Variants in CFAP47 observed in about 807,000 individuals in gnomAD.
CFAP47 encodes the protein cilia- and flagella-associated protein 47.
A neutral mutation model predicts 148.1 loss-of-function variants in CFAP47; 29 were observed. The ratio of observed to expected loss-of-function variants is 0.20; its 90% CI spans 0.15 to 0.27. CFAP47 has a LOEUF of 0.27. CFAP47 is among the 10% of genes least tolerant of loss of function. The pLI is 1.00. For missense variants in CFAP47, 1,872 were observed against 1,697.5 expected (o/e 1.10, Z -1.81); for synonymous variants, 664 against 577.3 (o/e 1.15, Z -2.15).
At chrX:36,099,677 T>G in intron 31 of CFAP47, 74 bp from the exon 32 acceptor site, 3 of 485,808 alleles carry the variant, frequency 6.2e-6, no homozygotes, top group Non-Finnish European at 1.1e-5. Context: ...CATCCACATG[T>G]TTTGAAAAAA....
At chrX:35,932,284 G>T (rs770140337) in intron 2 of CFAP47, among the ~76,000 whole-genome samples, 7 of 96,897 alleles carry the variant, frequency 7.2e-5, no homozygotes, top group African/African-American at 2.8e-4. Flanking sequence ...TTTTGAGATG[G>T]AGTCTCTCTC....
chrX:36,305,496 T>C (rs1941339982), intron 54 of CFAP47, among the ~76,000 whole-genome samples: 1 of 111,793 alleles, frequency 8.9e-6, no homozygotes, highest in Non-Finnish European at 1.9e-5. Context: ...CATGGCTTTC[T>C]AGTCCATTAA....
At chrX:36,315,906 G>A (rs781814720) in intron 56 of CFAP47, among the ~76,000 whole-genome samples, 17 of 111,329 alleles carry the variant, frequency 1.5e-4, no homozygotes, top group African/African-American at 2.6e-4. Flanking sequence ...CTGAGGTCAC[G>A]TCCCAAATAA....
rs757745492 is a variant in CFAP47 at position 35,926,126 on chromosome X, T to G, written c.359T>G (p.Leu120Arg). 43 of 1,204,131 alleles carry G rather than the reference T, an allele frequency of 3.6e-5. No homozygotes were observed. In the Admixed American group the frequency reaches 5.0e-4, roughly 14 times the overall value. ...GACGAAGACACTTTTGACCGGCTAC[T>G]TATTTCAATAGAAAATAAAACAACA... ...DKDEDTFDRLLISIENKTTEI... is the reference protein window; with the variant it reads ...DKDEDTFDRLRISIENKTTEI... Residue 120 changes from leucine (L) to arginine (R), a missense_variant, in exon 2 of 64, where the codon CTT (leucine) becomes CGT (arginine). Transcript: ENST00000378653.
intron 26 of CFAP47, among the ~76,000 whole-genome samples, chrX:36,063,975 C>T (rs1937615551): frequency 8.9e-6 from 1 of 112,019 alleles, no homozygotes; most frequent in African/African-American, 3.2e-5. Flanking sequence ...TGGGCCTGCC[C>T]CAGGGTACAT....
intron 40 of CFAP47, among the ~76,000 whole-genome samples, chrX:36,184,886 T>C (rs1049613222): frequency 3.6e-5 from 4 of 109,785 alleles, no homozygotes; most frequent in Non-Finnish European, 7.6e-5. Context: ...TGGGCCACGA[T>C]TGTGCCATTG....
chrX:36,296,451 T>C (rs782636347), intron 51 of CFAP47, among the ~76,000 whole-genome samples: 15 of 111,896 alleles, frequency 1.3e-4, no homozygotes, highest in African/African-American at 4.9e-4. Context: ...GCTCAACATG[T>C]GAGTGGGAAA....
chrX:36,351,909 G>A (rs1457780367), intron 59 of CFAP47, among the ~76,000 whole-genome samples: 2 of 111,215 alleles, frequency 1.8e-5, no homozygotes, highest in African/African-American at 6.5e-5. Flanking sequence ...TAGTAACATC[G>A]GATATAACCT....
At chrX:36,257,184 C>A (rs1199423789) in intron 49 of CFAP47, among the ~76,000 whole-genome samples, 2 of 111,341 alleles carry the variant, frequency 1.8e-5, no homozygotes, top group African/African-American at 3.3e-5. Context: ...TATTTGTGAA[C>A]CTGAAGGACA....
intron 60 of CFAP47, 69 bp from the exon 61 acceptor site, chrX:36,361,261 C>T: frequency 1.7e-6 from 1 of 584,409 alleles, no homozygotes; most frequent in South Asian, 3.1e-5. Context: ...TTAGTCTTGA[C>T]AGGTAATTGA....
chrX:36,384,920 C>T lies in CFAP47; in HGVS notation c.9478C>T (p.His3160Tyr), dbSNP rs1323508431. 8 of 1,164,275 alleles carry T rather than the reference C, an allele frequency of 6.9e-6. No homozygotes were observed. The African/African-American group carries it at 1.3e-4, about 18-fold the overall frequency. The change falls in exon 64 of 64, where the codon CAT becomes TAT. Residue 3160 changes from histidine to tyrosine, a missense_variant. Coordinates refer to ENST00000378653, the MANE Select transcript of CFAP47 (RefSeq NM_001304548.2). ...KTHDNMPVRP[H>Y]NFVRENTKLI... Reference sequence around the variant, plus strand: ...ACATGACAACATGCCAGTCCGTCCACATAATTTTGTCCGTGAAAATACTAA... The same window carrying T: ...ACATGACAACATGCCAGTCCGTCCATATAATTTTGTCCGTGAAAATACTAA...
intron 6 of CFAP47, 107 bp from the exon 7 acceptor site, chrX:35,953,485 A>G: frequency 3.4e-6 from 2 of 580,291 alleles, no homozygotes; most frequent in Non-Finnish European, 5.2e-6. Flanking sequence ...ATTCCTTAAC[A>G]TTCATTTGCT....
intron 56 of CFAP47, among the ~76,000 whole-genome samples, chrX:36,317,053 C>G (rs1420628911): frequency 1.8e-5 from 2 of 112,115 alleles, no homozygotes; most frequent in Non-Finnish European, 3.8e-5. Flanking sequence ...TCCCAAATTT[C>G]TGGGCTTATG....
At chrX:36,200,000 A>C (rs895140515) in intron 42 of CFAP47, among the ~76,000 whole-genome samples, 2 of 111,698 alleles carry the variant, frequency 1.8e-5, no homozygotes, top group Admixed American at 9.5e-5. Context: ...AGTTTTGGGG[A>C]CTCAGATGCC....
rs746628545 is a variant in CFAP47, at chrX:36,129,137, G to A, written c.5321-8821G>A. 4.6e-5 allele frequency among the ~76,000 whole-genome samples: 5 copies of A among 109,671 alleles called. No individual in the cohort carries two copies. In the South Asian group the frequency reaches 1.9e-3, roughly 41 times the overall value. On this transcript the variant is annotated intron_variant, in intron 33 of 63. Transcript: ENST00000378653. ...ACAAGTTAATTGTTTAATCGTTATAGGATTATTCTTATTTTCTGTTTTTCC... is the reference window on the plus strand; with the variant it reads ...ACAAGTTAATTGTTTAATCGTTATAAGATTATTCTTATTTTCTGTTTTTCC...
rs181670468 is a variant in CFAP47 at position 36,018,502 on chromosome X, T to C, written c.3556+3590T>C. Among the ~76,000 whole-genome samples, 457 of 112,028 alleles carry C rather than the reference T, an allele frequency of 4.1e-3. 3 individuals are homozygous for C. Among genetic ancestry groups the C allele is most frequent in the African/African-American group, 0.013 (397 of 30,891 alleles). ...TCTGTCATGTATGACTTTTATTACG[T>C]TGAGGAATTGTCCTTCTATCTCCAG... is the stretch of plus-strand genomic sequence containing the variant. On this transcript the variant is annotated intron_variant, in intron 22 of 63. Transcript: ENST00000378653.
intron 37 of CFAP47, among the ~76,000 whole-genome samples, chrX:36,153,669 G>A (rs1452813943): frequency 8.9e-6 from 1 of 112,401 alleles, no homozygotes; most frequent in Non-Finnish European, 1.9e-5. Flanking sequence ...TATAGGTGAA[G>A]GCATGCACTT....
In CFAP47 at chrX:36,306,887, G is replaced by A; in HGVS notation, c.8187+11G>A. 2.1e-6 allele frequency: 2 copies of A among 962,701 alleles called. No individual in the cohort carries two copies. The highest frequency in any genetic ancestry group is 2.8e-6 in the Non-Finnish European group (2 of 712,047). The allele number at this position is 962,701 out of a possible 1,213,427, so 79.3% of individuals were successfully genotyped here. A position where few individuals can be genotyped will look rare whatever the true frequency, so the allele number is the denominator to read the frequency against. On this transcript the variant is annotated intron_variant, in intron 55 of 63. Transcript: ENST00000378653. ...TTCTACTGTACTCAGGTATGATAGA[G>A]TATTCTTGGACCAAACCAAGTTAAT...
At chrX:36,172,350 T>G (rs1939594887) in intron 39 of CFAP47, among the ~76,000 whole-genome samples, 1 of 107,084 alleles carries the variant, frequency 9.3e-6, no homozygotes. Context: ...ATAGGAGAGG[T>G]GAGAGAGGGC....
Sources: allele counts gnomAD v4.1 joint callset (sites outside exome capture counted in the v4.1 genomes callset), GRCh38; gene constraint gnomAD v4.1.1; transcripts MANE v1.5; gene names NCBI Gene and HGNC (gene_info 2026-07-23, HGNC 2026-07-21).